SNRPN: variants seen among roughly 807,000 people sequenced by gnomAD.
The protein encoded by SNRPN is small nuclear ribonucleoprotein polypeptide N.
In SNRPN, 7 loss-of-function variants were observed where a neutral mutation model predicts 25.2. That is an observed-to-expected ratio of 0.28 (90% confidence interval 0.16 to 0.52). SNRPN has a LOEUF of 0.52. Ranked by LOEUF, SNRPN falls within the 20% of genes least tolerant of loss-of-function variation. The pLI, the probability that SNRPN is intolerant of heterozygous loss-of-function variation, is 0.96. For missense variants in SNRPN, 196 were observed against 322.5 expected (o/e 0.61, Z 3.00); for synonymous variants, 124 against 110.6 (o/e 1.12, Z -0.76).
intron 1 of SNRPN, among the ~76,000 whole-genome samples, chr15:24,960,728 CCCTTT>C (rs2074645105): frequency 6.6e-6 from 1 of 152,062 alleles, no homozygotes; most frequent in Non-Finnish European, 1.5e-5. Context: ...ATAGAATTTG[CCCTTT>C]TATTGTTGAG....
chr15:24,848,252 G>GGTCGGGGGCGGC (rs2052412490), intron 2 of SNRPN: 2 of 135,302 alleles, frequency 1.5e-5, no homozygotes, highest in African/African-American at 2.6e-5. Flanking sequence ...GCGGCGGCGG[G>GGTCGGGGGCGGC]GGCGGGGGCG....
chr15:24,853,856 C>T (rs1470478819), upstream of SNRPN, among the ~76,000 whole-genome samples: 2 of 152,154 alleles, frequency 1.3e-5, no homozygotes, highest in Non-Finnish European at 2.9e-5. Flanking sequence ...ATTTGTTACA[C>T]TTCCTGTGTT....
chr15:24,844,456 G>T (rs4906921), intron 2 of SNRPN, among the ~76,000 whole-genome samples: 1 of 151,934 alleles, frequency 6.6e-6, no homozygotes, highest in Non-Finnish European at 1.5e-5. Flanking sequence ...GTGCCATCTC[G>T]TCTTTCTCTT....
intron 2 of SNRPN, among the ~76,000 whole-genome samples, chr15:24,964,287 C>G (rs183058669): frequency 4.6e-5 from 7 of 152,090 alleles, no homozygotes; most frequent in South Asian, 2.1e-4. Flanking sequence ...TTCGATCATT[C>G]ATTTTATTTG....
intron 2 of SNRPN, among the ~76,000 whole-genome samples, chr15:24,847,922 C>T (rs1427164822): frequency 6.6e-6 from 1 of 152,038 alleles, no homozygotes; most frequent in Non-Finnish European, 1.5e-5. Flanking sequence ...TTTGTGTTTC[C>T]CTACACATCA....
At chr15:24,974,489 G>A (rs911530750) in intron 4 of SNRPN, 33 bp downstream of exon 4, 1 of 1,608,842 alleles carries the variant, frequency 6.2e-7, no homozygotes, top group Non-Finnish European at 8.5e-7. Context: ...GGGTTGAAAT[G>A]TGCTGTAAGG....
intron 3 of SNRPN, among the ~76,000 whole-genome samples, chr15:24,943,261 G>A (rs910367615): frequency 1.3e-5 from 2 of 152,080 alleles, no homozygotes; most frequent in Admixed American, 6.6e-5. Context: ...GGGAGGATTT[G>A]TCTTCACCAC....
intron 2 of SNRPN, among the ~76,000 whole-genome samples, chr15:24,964,296 T>A (rs536635024): frequency 3.3e-4 from 50 of 152,270 alleles, no homozygotes; most frequent in Non-Finnish European, 6.2e-4. Flanking sequence ...TCATTTTATT[T>A]GATATGAAAT....
At chr15:24,937,751 AAAT>A (rs2061324176) in intron 3 of SNRPN, among the ~76,000 whole-genome samples, 1 of 152,132 alleles carries the variant, frequency 6.6e-6, no homozygotes, top group Non-Finnish European at 1.5e-5. Flanking sequence ...ATTGCCCATT[AAAT>A]AATAACTCCG....
chr15:24,827,157 G>A (rs1476945644), intron 1 of SNRPN, among the ~76,000 whole-genome samples: 1 of 152,058 alleles, frequency 6.6e-6, no homozygotes, highest in Non-Finnish European at 1.5e-5. Flanking sequence ...AGGTGAGTGA[G>A]TGAGTGAGTT....
At chr15:24,865,976 C>T (rs1055874827) in intron 1 of SNRPN, among the ~76,000 whole-genome samples, 1 of 152,134 alleles carries the variant, frequency 6.6e-6, no homozygotes, top group Non-Finnish European at 1.5e-5. Context: ...GTTGAAGTCA[C>T]CGACCGTAAT....
chr15:24,960,655 A>G (rs1024678474), intron 1 of SNRPN, among the ~76,000 whole-genome samples: 3 of 152,178 alleles, frequency 2.0e-5, no homozygotes, highest in Non-Finnish European at 4.4e-5. Flanking sequence ...ATCATTTCAT[A>G]TAGATTAGCC....
chr15:24,832,922 C>A lies in SNRPN; in HGVS notation c.-579+3017C>A, dbSNP rs573863657. Among the ~76,000 whole-genome samples the A allele has an allele frequency of 1.3e-4, 19 of 151,610 alleles. No homozygotes were observed. In the South Asian group the frequency reaches 3.5e-3, roughly 28 times the overall value. On this transcript the variant is annotated intron_variant, in intron 2 of 12. Coordinates refer to the SNRPN transcript ENST00000400100. The stretch of plus-strand genomic sequence containing the variant: ...GAGATCGAGGCCATCCTGGCTAACA[C>A]GGTGAAACCCCGTCTCTACTAAAAA...
chr15:24,954,817 G>A, upstream of SNRPN: 1 of 606,504 alleles, frequency 1.6e-6, no homozygotes, highest in South Asian at 2.0e-5. Flanking sequence ...AGTGCTGTGG[G>A]GCCCTAGGGG....
intron 2 of SNRPN, chr15:24,909,045 C>A (rs2059040094): frequency 7.0e-7 from 1 of 1,422,388 alleles, no homozygotes. Context: ...TTTTTAACTT[C>A]TTTCTTGGGC....
intron 2 of SNRPN, among the ~76,000 whole-genome samples, chr15:24,844,472 T>A (rs1216734989): frequency 6.6e-6 from 1 of 152,146 alleles, no homozygotes; most frequent in African/African-American, 2.4e-5. Flanking sequence ...CTCTTAACAG[T>A]GTCTGTCAAA....
chr15:24,965,017 C>T lies in SNRPN; in HGVS notation c.-295+2808C>T, dbSNP rs138625179. On this transcript the variant is annotated intron_variant, in intron 2 of 9. Coordinates refer to ENST00000390687, the MANE Select transcript of SNRPN (RefSeq NM_003097.6). ...TTAGGGAAATAGTATAATTTTTCCC[C>T]CTTGTGCGTTTTCATTTTGAGAGTA... is the stretch of plus-strand genomic sequence containing the variant. Among the ~76,000 whole-genome samples, 799 of 152,128 alleles carry T rather than the reference C, an allele frequency of 5.3e-3. 5 individuals carry two copies. The highest frequency in any genetic ancestry group is 9.6e-3 in the South Asian group (46 of 4,814).
chr15:24,874,309 C>CAAAAAAAAA (rs199834006), intron 1 of SNRPN, among the ~76,000 whole-genome samples: 1 of 61,446 alleles, frequency 1.6e-5, no homozygotes, highest in Non-Finnish European at 2.8e-5. Context: ...GACTCTGTCT[C>CAAAAAAAAA]AAAAAAAAAA....
chr15:24,937,403 G>A (rs2061303502), intron 3 of SNRPN, among the ~76,000 whole-genome samples: 1 of 152,066 alleles, frequency 6.6e-6, no homozygotes, highest in Non-Finnish European at 1.5e-5. Flanking sequence ...GCATGGTGAT[G>A]TGCACCTGTA....
Sources: gnomAD v4.1 joint callset for allele counts (sites outside exome capture counted in the v4.1 genomes callset) on GRCh38, gnomAD v4.1.1 for gene constraint, MANE v1.5 for transcripts, NCBI Gene and HGNC (gene_info 2026-07-23, HGNC 2026-07-21) for gene names.